REDIC1: variants seen among roughly 807,000 people sequenced by gnomAD.
The protein encoded by REDIC1 is HEI10 Interacting Protein 1.
chr12:39,749,441 C>A, the REDIC1 span, among the ~76,000 whole-genome samples: 1 of 151,856 alleles, frequency 6.6e-6, no homozygotes, highest in African/African-American at 2.4e-5. Flanking sequence ...GCCTACCAAC[C>A]AAAAAAATTC....
At chr12:39,791,094 G>C in the REDIC1 span, among the ~76,000 whole-genome samples, 2 of 149,116 alleles carry the variant, frequency 1.3e-5, no homozygotes, top group East Asian at 4.0e-4. Flanking sequence ...AAATTTGTTT[G>C]AGTTCATTGT....
At chr12:39,766,019 T>C in the REDIC1 span, among the ~76,000 whole-genome samples, 1 of 152,086 alleles carries the variant, frequency 6.6e-6, no homozygotes, top group Non-Finnish European at 1.5e-5. Context: ...GCCTCATAGT[T>C]CCTTATTTAA....
the REDIC1 span, among the ~76,000 whole-genome samples, chr12:39,713,358 A>C: frequency 7.6e-6 from 1 of 132,382 alleles, no homozygotes; most frequent in African/African-American, 3.6e-5. Flanking sequence ...GTATACACAT[A>C]TACGTGTATA....
the REDIC1 span, among the ~76,000 whole-genome samples, chr12:39,693,539 G>A: frequency 6.6e-6 from 1 of 150,930 alleles, no homozygotes; most frequent in East Asian, 1.9e-4. Context: ...CATTCTAAAT[G>A]TAATATAGAA....
At chr12:39,648,009 ATATAAT>A in the REDIC1 span, 3 of 1,311,482 alleles carry the variant, frequency 2.3e-6, no homozygotes, top group Non-Finnish European at 3.0e-6. Flanking sequence ...TTAGCATTTT[ATATAAT>A]TATATTTTCA....
chr12:39,800,017 T>C, the REDIC1 span, among the ~76,000 whole-genome samples: 7 of 152,194 alleles, frequency 4.6e-5, no homozygotes, highest in African/African-American at 1.7e-4. Flanking sequence ...TTTTTTGCAG[T>C]TCAATGAAAA....
chr12:39,664,503 C>T, the REDIC1 span, among the ~76,000 whole-genome samples: 3 of 152,172 alleles, frequency 2.0e-5, no homozygotes, highest in African/African-American at 7.2e-5. Context: ...GGTTCCACGT[C>T]TTTGCTATTG....
the REDIC1 span, among the ~76,000 whole-genome samples, chr12:39,760,793 T>C: frequency 6.6e-6 from 1 of 152,082 alleles, no homozygotes. Flanking sequence ...CACATAAATA[T>C]TAGCTAGTTT....
the REDIC1 span, among the ~76,000 whole-genome samples, chr12:39,887,809 A>T: frequency 6.6e-6 from 1 of 152,174 alleles, no homozygotes; most frequent in South Asian, 2.1e-4. Flanking sequence ...CTGATGTAGT[A>T]TATGTTTATT....
chr12:39,743,388 C>T, the REDIC1 span, among the ~76,000 whole-genome samples: 1 of 152,126 alleles, frequency 6.6e-6, no homozygotes, highest in African/African-American at 2.4e-5. Context: ...CATACCTTAC[C>T]ACCATGTCAC....
chr12:39,689,486 T>C, the REDIC1 span, among the ~76,000 whole-genome samples: 146 of 152,296 alleles, frequency 9.6e-4, no homozygotes, highest in East Asian at 0.027. Flanking sequence ...TAGTAGGCAA[T>C]TATATATACA....
the REDIC1 span, among the ~76,000 whole-genome samples, chr12:39,798,671 G>C: frequency 6.6e-6 from 1 of 152,180 alleles, no homozygotes; most frequent in Non-Finnish European, 1.5e-5. Context: ...CCGGGCTAGT[G>C]CTGAAAGACT....
the REDIC1 span, among the ~76,000 whole-genome samples, chr12:39,712,598 C>CGT: frequency 1.1e-4 from 16 of 141,876 alleles, no homozygotes; most frequent in African/African-American, 2.8e-4. Flanking sequence ...TACGTATATA[C>CGT]ATATATATGT....
chr12:39,713,265 TATGTGTACACACACATAC>T, the REDIC1 span, among the ~76,000 whole-genome samples: 1 of 44,354 alleles, frequency 2.3e-5, no homozygotes, highest in Admixed American at 2.2e-4. Flanking sequence ...TACGTGTATA[TATGTGTACACACACATAC>T]GTGTATATAT....
At chr12:39,653,389 A>G in the REDIC1 span, among the ~76,000 whole-genome samples, 3 of 151,862 alleles carry the variant, frequency 2.0e-5, no homozygotes, top group African/African-American at 7.2e-5. Context: ...GACTTTGACA[A>G]TTTTATTATT....
chr12:39,659,684 T>A, the REDIC1 span, among the ~76,000 whole-genome samples: 1 of 36,444 alleles, frequency 2.7e-5, no homozygotes, highest in African/African-American at 1.6e-4. Context: ...AATATAGTTA[T>A]GATAACTTTT....
the REDIC1 span, among the ~76,000 whole-genome samples, chr12:39,707,454 T>C: frequency 2.6e-5 from 4 of 151,860 alleles, no homozygotes; most frequent in Admixed American, 2.6e-4. Context: ...GTTTGGAGGT[T>C]CCTCAAAAAA....
the REDIC1 span, among the ~76,000 whole-genome samples, chr12:39,695,150 A>T: frequency 6.6e-6 from 1 of 152,152 alleles, no homozygotes; most frequent in African/African-American, 2.4e-5. Context: ...ACTTGGTGGC[A>T]TCAGGTGGGC....
the REDIC1 span, among the ~76,000 whole-genome samples, chr12:39,680,238 A>C: frequency 6.6e-6 from 1 of 152,224 alleles, no homozygotes; most frequent in East Asian, 1.9e-4. Flanking sequence ...GCATCTGACA[A>C]AGGACTAACA....
Sources: allele counts gnomAD v4.1 joint callset (sites outside exome capture counted in the v4.1 genomes callset), GRCh38; gene constraint gnomAD v4.1.1; transcripts MANE v1.5; gene names NCBI Gene and HGNC (gene_info 2026-07-23, HGNC 2026-07-21).